Variants in SH3GL3 observed in about 807,000 individuals in gnomAD.
The protein encoded by SH3GL3 is endophilin-A3.
In SH3GL3, 33 loss-of-function variants were observed where a neutral mutation model predicts 47.7. That is an observed-to-expected ratio of 0.69 (90% CI 0.52 to 0.92). SH3GL3 has a LOEUF of 0.92. Among genes scored for constraint, SH3GL3 ranks in the 40% least tolerant of loss-of-function variants. The probability of loss-of-function intolerance (pLI) is 0.00; values close to 1 mark genes in which losing one functional copy is unlikely to be tolerated. For synonymous variants in SH3GL3, 155 were observed against 148.8 expected (o/e 1.04, Z -0.30); for missense variants, 363 against 417.8 (o/e 0.87, Z 1.14).
chr15:83,503,002 G>C (rs1483767948), intron 1 of SH3GL3, among the ~76,000 whole-genome samples: 2 of 152,062 alleles, frequency 1.3e-5, no homozygotes, highest in Non-Finnish European at 2.9e-5. Context: ...TTGAGTGTTT[G>C]TAGTGGCTTT....
intron 6 of SH3GL3, among the ~76,000 whole-genome samples, chr15:83,577,402 A>T (rs1356659444): frequency 2.6e-5 from 4 of 151,654 alleles, no homozygotes; most frequent in Non-Finnish European, 5.9e-5. Context: ...GCAAGCCCTG[A>T]CTCACATCTT....
At chr15:83,506,915 A>G (rs1299948005) in intron 1 of SH3GL3, among the ~76,000 whole-genome samples, 2 of 151,924 alleles carry the variant, frequency 1.3e-5, no homozygotes, top group Non-Finnish European at 1.5e-5. Context: ...TGTTTACCGT[A>G]ACAGGTTTTG....
At chr15:83,622,954 A>G (rs189996153), downstream of SH3GL3, among the ~76,000 whole-genome samples, 3 of 152,340 alleles carry the variant, frequency 2.0e-5, no homozygotes, top group East Asian at 1.9e-4. Flanking sequence ...CATCAAAGCG[A>G]CACCATATTC....
At chr15:83,510,944 A>C (rs1055356512) in intron 1 of SH3GL3, among the ~76,000 whole-genome samples, 1 of 151,074 alleles carries the variant, frequency 6.6e-6, no homozygotes, top group African/African-American at 2.4e-5. Context: ...TTGAACAATG[A>C]GAACACTTGG....
chr15:83,456,389 C>G (rs1379419584), intron 1 of SH3GL3, among the ~76,000 whole-genome samples: 1 of 46,136 alleles, frequency 2.2e-5, no homozygotes, highest in African/African-American at 6.8e-5. Context: ...TGGGCAATGG[C>G]GGGCCCCCCT....
At chr15:83,611,250 C>T in intron 8 of SH3GL3, among the ~76,000 whole-genome samples, 1 of 151,840 alleles carries the variant, frequency 6.6e-6, no homozygotes, top group East Asian at 1.9e-4. Flanking sequence ...TAGGGTCTCT[C>T]TCTCTCTCTC....
the SH3GL3 span, among the ~76,000 whole-genome samples, chr15:83,626,921 T>C: frequency 6.6e-6 from 1 of 152,224 alleles, no homozygotes; most frequent in Non-Finnish European, 1.5e-5. Flanking sequence ...TTTTCTCCTC[T>C]GGATGATAAA....
chr15:83,604,866 T>G (rs2060474311), intron 8 of SH3GL3, among the ~76,000 whole-genome samples: 1 of 152,174 alleles, frequency 6.6e-6, no homozygotes, highest in South Asian at 2.1e-4. Flanking sequence ...TAGGGGAATG[T>G]TATGAAATGG....
chr15:83,561,641 T>C (rs2045279196), intron 2 of SH3GL3, among the ~76,000 whole-genome samples: 1 of 152,084 alleles, frequency 6.6e-6, no homozygotes. Flanking sequence ...TTAGAAAAGC[T>C]GTAAGACAAC....
chr15:83,540,496 T>C (rs1010099106), intron 1 of SH3GL3, among the ~76,000 whole-genome samples: 3 of 152,320 alleles, frequency 2.0e-5, no homozygotes, highest in African/African-American at 7.2e-5. Context: ...CTCTTTTAAA[T>C]TGACTTTTTA....
chr15:83,579,572 T>G (rs2059777555), intron 6 of SH3GL3, among the ~76,000 whole-genome samples: 1 of 152,126 alleles, frequency 6.6e-6, no homozygotes, highest in Non-Finnish European at 1.5e-5. Flanking sequence ...TGCTGCTTCT[T>G]GCGGTAATGG....
intron 1 of SH3GL3, among the ~76,000 whole-genome samples, chr15:83,538,137 A>G (rs539215746): frequency 5.5e-4 from 84 of 152,182 alleles, no homozygotes; most frequent in Non-Finnish European, 1.1e-3. Flanking sequence ...TCTCTTGAGT[A>G]TAGGTTATTA....
At chr15:83,558,967 T>A (rs763083398) in intron 1 of SH3GL3, among the ~76,000 whole-genome samples, 1 of 152,240 alleles carries the variant, frequency 6.6e-6, no homozygotes, top group South Asian at 2.1e-4. Flanking sequence ...GGGTGAACTG[T>A]GTGTTCCTTG....
chr15:83,537,923 A>G (rs2043989298), intron 1 of SH3GL3, among the ~76,000 whole-genome samples: 1 of 152,184 alleles, frequency 6.6e-6, no homozygotes, highest in Non-Finnish European at 1.5e-5. Flanking sequence ...GTAGAGAGGA[A>G]TGTGGTACAC....
At chr15:83,510,396 G>A (rs2042698222) in intron 1 of SH3GL3, among the ~76,000 whole-genome samples, 1 of 152,122 alleles carries the variant, frequency 6.6e-6, no homozygotes, top group African/African-American at 2.4e-5. Context: ...GGAAAAATTA[G>A]CTTTGCTTAT....
At position 83,590,354 on chromosome 15, in the gene SH3GL3, A is replaced by G. The variant is rs1044532574; in HGVS notation, c.838+1583A>G. On this transcript the variant is annotated intron_variant, in intron 8 of 8. Transcript: ENST00000427482. ...TTACATTTTGTGCCCTGTCATGATT[A>G]CATTTTGTGCCCTGTTGTGAAAAGT... 2.7e-4 allele frequency among the ~76,000 whole-genome samples: 41 copies of G among 152,292 alleles called. 1 individual carries two copies. The highest frequency in any genetic ancestry group is 9.6e-4 in the African/African-American group (40 of 41,576).
intron 1 of SH3GL3, among the ~76,000 whole-genome samples, chr15:83,515,869 C>A (rs1402948532): frequency 6.6e-6 from 1 of 152,132 alleles, no homozygotes; most frequent in African/African-American, 2.4e-5. Flanking sequence ...AGTTATGGAA[C>A]ATTATCTTTG....
chr15:83,591,434 A>C (rs1293318883), intron 8 of SH3GL3, among the ~76,000 whole-genome samples: 1 of 150,996 alleles, frequency 6.6e-6, no homozygotes, highest in Non-Finnish European at 1.5e-5. Flanking sequence ...TAAGCTGCAC[A>C]GTGTGAATTT....
chr15:83,618,385 CCAA>C lies in SH3GL3; in HGVS notation c.*100_*102del. 1.3e-6 allele frequency: 1 copy of C among 749,214 alleles called. No homozygotes were observed. The highest frequency in any genetic ancestry group is 1.6e-5 in the South Asian group (1 of 63,900). The allele number at this position is 749,214 out of a possible 1,614,324, so 46.4% of individuals were successfully genotyped here. A position where few individuals can be genotyped will look rare whatever the true frequency, so the allele number is the denominator to read the frequency against. ...TTCTGTGACATCCTTTGCTCTCTGA[CCAA>C]CTTAATGACTTTTGTATGTGTGCTC... On this transcript the variant is annotated 3_prime_UTR_variant, in exon 9 of 9. Coordinates refer to ENST00000427482, the MANE Select transcript of SH3GL3 (RefSeq NM_003027.5).
Sources: allele counts gnomAD v4.1 joint callset (sites outside exome capture counted in the v4.1 genomes callset), GRCh38; gene constraint gnomAD v4.1.1; transcripts MANE v1.5; gene names NCBI Gene and HGNC (gene_info 2026-07-23, HGNC 2026-07-21).